The following DLGAP2 variants were observed in gnomAD, a reference collection of about 807,000 sequenced individuals.
DLGAP2 encodes disks large-associated protein 2.
Under a neutral mutation model 100.3 loss-of-function variants are expected in DLGAP2, and 26 were observed. The ratio of observed to expected loss-of-function variants is 0.26; its 90% confidence interval spans 0.19 to 0.36. The LOEUF (loss-of-function observed/expected upper bound fraction) is 0.36, where lower values mean the gene tolerates loss of function less well. Among genes scored for constraint, DLGAP2 ranks in the 10% least tolerant of loss-of-function variants. DLGAP2 has a pLI of 1.00. For missense variants in DLGAP2, 1,858 were observed against 1,453.2 expected, an observed-to-expected ratio of 1.28 and a Z score of -4.53; for synonymous variants, 886 against 630.1, an observed-to-expected ratio of 1.41 and a Z score of -6.08.
intron 3 of DLGAP2, among the ~76,000 whole-genome samples, chr8:1,353,655 A>T (rs1801785004): frequency 6.6e-6 from 1 of 152,210 alleles, no homozygotes; most frequent in Non-Finnish European, 1.5e-5. Flanking sequence ...ATAAAAATAG[A>T]GGCAAATCTT....
chr8:796,750 C>T (rs1275728373), intron 1 of DLGAP2, among the ~76,000 whole-genome samples: 2 of 152,182 alleles, frequency 1.3e-5, no homozygotes, highest in Non-Finnish European at 2.9e-5. Context: ...GCCTTCATGG[C>T]CCCATGCCCG....
chr8:1,224,453 C>G (rs1585166918), intron 2 of DLGAP2, among the ~76,000 whole-genome samples: 3 of 152,202 alleles, frequency 2.0e-5, no homozygotes, highest in East Asian at 3.9e-4. Flanking sequence ...TTTAAAGGTA[C>G]TTTCACATTC....
intron 2 of DLGAP2, among the ~76,000 whole-genome samples, chr8:1,095,914 A>G (rs1202797432): frequency 1.3e-5 from 2 of 152,232 alleles, no homozygotes; most frequent in African/African-American, 2.4e-5. Flanking sequence ...TCCCTAGAGA[A>G]CAGGCTCTGG....
chr8:1,628,198 A>G (rs1379281765), intron 7 of DLGAP2, among the ~76,000 whole-genome samples: 12 of 104,344 alleles, frequency 1.2e-4, no homozygotes, highest in South Asian at 3.9e-4. Flanking sequence ...GTGGAGCAGG[A>G]ATTAAGAGCC....
chr8:1,625,339 G>T (rs962510326), intron 6 of DLGAP2, among the ~76,000 whole-genome samples: 19 of 152,208 alleles, frequency 1.2e-4, no homozygotes, highest in Admixed American at 9.2e-4. Flanking sequence ...CTGGAAAGTG[G>T]TCCAGTTAGC....
intron 2 of DLGAP2, chr8:1,019,752 C>T (rs1801576341): frequency 1.3e-5 from 2 of 152,236 alleles, no homozygotes; most frequent in Non-Finnish European, 2.9e-5. Flanking sequence ...GGTGTACCCA[C>T]TTCTGCCCTC....
intron 4 of DLGAP2, among the ~76,000 whole-genome samples, chr8:1,516,512 T>A (rs1800393403): frequency 1.4e-5 from 2 of 143,208 alleles, no homozygotes; most frequent in Non-Finnish European, 3.0e-5. Context: ...AGTGAATGAG[T>A]TCATGAATCA....
intron 2 of DLGAP2, among the ~76,000 whole-genome samples, chr8:1,101,116 T>C (rs376369918): frequency 1.3e-5 from 2 of 152,190 alleles, no homozygotes; most frequent in Admixed American, 1.3e-4. Context: ...CACTCTGATG[T>C]TAGCAATTTG....
intron 2 of DLGAP2, among the ~76,000 whole-genome samples, chr8:1,219,084 C>G (rs1461260354): frequency 2.6e-5 from 4 of 152,160 alleles, no homozygotes; most frequent in South Asian, 2.1e-4. Context: ...AGTTTGACTT[C>G]TTCTCTTTCT....
In DLGAP2 at chr8:1,255,038, A is replaced by ATCCTGCCCG. The variant is rs1563043452; in HGVS notation, c.74-3813_74-3812insTCCTGCCCG. ...GCTGTGTGTGTGTCTTCTCCTGCCC[A>ATCCTGCCCG]GCCGCTGTGTGTGTGTCCTCTCATC... On this transcript the variant is annotated intron_variant, in intron 2 of 14. Transcript: ENST00000637795. Among the ~76,000 whole-genome samples, 143 of 99,604 alleles carry ATCCTGCCCG rather than the reference A, an allele frequency of 1.4e-3. 16 individuals carry two copies. The highest frequency in any genetic ancestry group is 1.7e-3 in the Non-Finnish European group (90 of 54,536). The allele number at this position is 99,604 out of a possible 152,430, so 65.3% of individuals were successfully genotyped here. A position where few individuals can be genotyped will look rare whatever the true frequency, so the allele number is the denominator to read the frequency against.
intron 3 of DLGAP2, among the ~76,000 whole-genome samples, chr8:1,490,827 G>C (rs1799357241): frequency 6.6e-6 from 1 of 150,940 alleles, no homozygotes; most frequent in Admixed American, 6.6e-5. Context: ...ATGAAATTGA[G>C]AACACATGGA....
chr8:997,717 T>A (rs918556680), intron 2 of DLGAP2, among the ~76,000 whole-genome samples: 4 of 152,102 alleles, frequency 2.6e-5, no homozygotes, highest in African/African-American at 9.7e-5. Flanking sequence ...AAAGAGAAAA[T>A]TTAAAACAAT....
At chr8:1,130,453 A>C (rs771616399) in intron 2 of DLGAP2, among the ~76,000 whole-genome samples, 14 of 152,220 alleles carry the variant, frequency 9.2e-5, no homozygotes, top group Non-Finnish European at 1.5e-4. Context: ...ACCTGTCAGC[A>C]TGAACCGCCG....
At chr8:850,358 G>C (rs1011455471) in intron 1 of DLGAP2, among the ~76,000 whole-genome samples, 2 of 152,096 alleles carry the variant, frequency 1.3e-5, no homozygotes, top group Admixed American at 6.5e-5. Context: ...AAGTTACGCT[G>C]CCTCTTGAAA....
At chr8:1,049,865 T>G (rs1000964515) in intron 2 of DLGAP2, among the ~76,000 whole-genome samples, 1 of 136,518 alleles carries the variant, frequency 7.3e-6, no homozygotes, top group East Asian at 2.2e-4. Context: ...TGCACACGCA[T>G]TTACAGTCAC....
intron 1 of DLGAP2, among the ~76,000 whole-genome samples, chr8:855,225 G>A (rs943499979): frequency 2.6e-5 from 4 of 152,190 alleles, no homozygotes; most frequent in Non-Finnish European, 4.4e-5. Context: ...CTCCAGCTAT[G>A]TTACGCTTTT....
intron 2 of DLGAP2, among the ~76,000 whole-genome samples, chr8:998,435 G>A (rs1800849883): frequency 6.6e-6 from 1 of 151,992 alleles, no homozygotes; most frequent in Non-Finnish European, 1.5e-5. Flanking sequence ...TTCATGGCTG[G>A]GACTACAGGT....
chr8:1,287,528 A>AGTGTGTGT lies in DLGAP2; in HGVS notation c.106+28654_106+28661dup, dbSNP rs72312295. 5.9e-5 allele frequency among the ~76,000 whole-genome samples: 4 copies of AGTGTGTGT among 67,322 alleles called. No individual in the cohort carries two copies. The South Asian group carries it at 2.3e-3, about 39-fold the overall frequency. 44.2% of individuals were successfully genotyped at this position (67,322 alleles called of 152,430 possible). On this transcript the variant is annotated intron_variant, in intron 3 of 14. Transcript: ENST00000637795. ...TTAGGAGGGGAACTAGTTTTGGTTC[A>AGTGTGTGT]GTGTGTGTGTGTGTGTATGTGTGTG...
chr8:1,175,456 A>G (rs1797232785), intron 2 of DLGAP2, among the ~76,000 whole-genome samples: 1 of 152,262 alleles, frequency 6.6e-6, no homozygotes, highest in African/African-American at 2.4e-5. Context: ...AAACTATTAT[A>G]AAAGCATAAT....
Sources: allele counts gnomAD v4.1 joint callset (sites outside exome capture counted in the v4.1 genomes callset), GRCh38; gene constraint gnomAD v4.1.1; transcripts MANE v1.5; gene names NCBI Gene and HGNC (gene_info 2026-07-23, HGNC 2026-07-21).